The following MGST1 variants were observed in gnomAD, a reference collection of about 807,000 sequenced individuals.
MGST1 encodes the protein glutathione S-transferase 12.
In MGST1, 5 loss-of-function variants were observed where a neutral mutation model predicts 8.9. That is an observed-to-expected ratio of 0.56 (90% confidence interval 0.29 to 1.19). The LOEUF is 1.19. Ranked by LOEUF, MGST1 falls within the 50% of genes most tolerant of loss-of-function variation. MGST1 has a pLI of 0.08. For synonymous variants in MGST1, 54 were observed against 67.8 expected, an observed-to-expected ratio of 0.80 and a Z score of 1.00; for missense variants, 182 against 187.4, an observed-to-expected ratio of 0.97 and a Z score of 0.17.
In MGST1 at chr12:16,503,792, C is replaced by T. The variant is rs923032009; in HGVS notation, n.483-85736C>T. Among the ~76,000 whole-genome samples, 3 of 152,242 alleles carry T rather than the reference C, an allele frequency of 2.0e-5. No individual in the cohort carries two copies. The highest frequency in any genetic ancestry group is 6.8e-3 in the Middle Eastern group (2 of 294). On this transcript the variant is annotated intron_variant and non_coding_transcript_variant, in intron 4 of 4. Transcript: ENST00000538857. This position sits in a 1 kb window ranked among gnomAD's most constrained non-coding sequence, Gnocchi z 4.8. The stretch of plus-strand genomic sequence containing the variant: ...ACCCAACGACCTGGAAGTTACCACC[C>T]TTTTTCTAGATATTTCTGTGTAATT...
chr12:16,499,349 C>G (rs1197797881), intron 4 of MGST1, among the ~76,000 whole-genome samples: 3 of 152,072 alleles, frequency 2.0e-5, no homozygotes, highest in African/African-American at 7.3e-5. Context: ...TTCAGGCAGT[C>G]TCTCTCTTCC....
Position 16,531,156 on chromosome 12 carries a change from CAAAAAAAA to C in MGST1, n.483-58353_483-58346del, listed in dbSNP as rs5796677. Among the ~76,000 whole-genome samples, 9 of 46,546 alleles carry C rather than the reference CAAAAAAAA, an allele frequency of 1.9e-4. No homozygotes were observed. In the East Asian group the frequency reaches 2.1e-3, roughly 11 times the overall value. 30.5% of individuals were successfully genotyped at this position (46,546 alleles called of 152,430 possible). On this transcript the variant is annotated intron_variant and non_coding_transcript_variant, in intron 4 of 4. Transcript: ENST00000538857. ...GAATTGTCTTCACCTTACCCCTGAC[CAAAAAAAA>C]AAAAAAAAAAAAAAAAAAGTAATGA...
chr12:16,358,785 T>A (rs1421386050), intron 3 of MGST1, among the ~76,000 whole-genome samples: 3 of 128,594 alleles, frequency 2.3e-5, no homozygotes, highest in African/African-American at 3.4e-5. Flanking sequence ...ATTCCTTTTT[T>A]TTTTTTTTTT....
At chr12:16,483,438 C>T (rs991397243) in intron 4 of MGST1, among the ~76,000 whole-genome samples, 1 of 151,960 alleles carries the variant, frequency 6.6e-6, no homozygotes, top group African/African-American at 2.4e-5. Context: ...ATCAAACCCT[C>T]GTTTAATCCA....
intron 4 of MGST1, chr12:16,567,521 G>T (rs1156774211): frequency 6.6e-6 from 1 of 152,380 alleles, no homozygotes; most frequent in Non-Finnish European, 1.5e-5. Context: ...GAATGACATG[G>T]CATTTCACAA....
At chr12:16,553,039 A>G (rs1468998591) in intron 4 of MGST1, among the ~76,000 whole-genome samples, 3 of 152,140 alleles carry the variant, frequency 2.0e-5, no homozygotes, top group African/African-American at 4.8e-5. Context: ...TAGAAATGAA[A>G]TATCTAAAAT....
At chr12:16,487,778 C>G (rs979424431) in intron 4 of MGST1, among the ~76,000 whole-genome samples, 1 of 152,118 alleles carries the variant, frequency 6.6e-6, no homozygotes, top group Admixed American at 6.5e-5. Context: ...CTCCTGGTAA[C>G]TGGGACTACA....
rs1043672452 is a variant in MGST1, at chr12:16,576,182, C to T, written n.483-13346C>T. 2.0e-5 allele frequency among the ~76,000 whole-genome samples: 3 copies of T among 152,190 alleles called. No individual in the cohort carries two copies. The highest frequency in any genetic ancestry group is 4.4e-5 in the Non-Finnish European group (3 of 68,038). On this transcript the variant is annotated intron_variant and non_coding_transcript_variant, in intron 4 of 4. Transcript: ENST00000538857. This position sits in a 1 kb window ranked among gnomAD's most constrained non-coding sequence, Gnocchi z 4.1. ...CGCCTTCCACTCTGCAGCCGGTAGCCTTTCTATAACACAGCTCCAACCCAT... is the reference window on the plus strand; with the variant it reads ...CGCCTTCCACTCTGCAGCCGGTAGCTTTTCTATAACACAGCTCCAACCCAT...
intron 4 of MGST1, among the ~76,000 whole-genome samples, chr12:16,488,148 G>A (rs988182822): frequency 6.6e-6 from 1 of 152,194 alleles, no homozygotes; most frequent in African/African-American, 2.4e-5. Flanking sequence ...AGGAGAATGT[G>A]AAGTTGAATT....
At chr12:16,563,713 T>G (rs1030820197) in intron 4 of MGST1, among the ~76,000 whole-genome samples, 2 of 152,172 alleles carry the variant, frequency 1.3e-5, no homozygotes, top group African/African-American at 4.8e-5. Context: ...ATCCTCTAGA[T>G]AAGAGGGCCT....
intron 4 of MGST1, among the ~76,000 whole-genome samples, chr12:16,541,122 A>G (rs1013071950): frequency 4.6e-5 from 7 of 152,220 alleles, no homozygotes; most frequent in African/African-American, 1.7e-4. Context: ...TAAAATCACA[A>G]TACTTTCATT....
downstream of MGST1, among the ~76,000 whole-genome samples, chr12:16,591,928 G>A (rs1438871008): frequency 2.6e-5 from 4 of 151,832 alleles, no homozygotes; most frequent in Non-Finnish European, 5.9e-5. The surrounding 1 kb of genome is among the most constrained non-coding windows in gnomAD (Gnocchi z 4.1). Flanking sequence ...CTCTATATTG[G>A]TTCCATGGGA....
At chr12:16,562,257 G>C (rs1942433764) in intron 4 of MGST1, among the ~76,000 whole-genome samples, 1 of 152,006 alleles carries the variant, frequency 6.6e-6, no homozygotes, top group Non-Finnish European at 1.5e-5. Context: ...TAGGAGATCT[G>C]CTTAGGAGAT....
chr12:16,552,512 G>A (rs1942027749), intron 4 of MGST1, among the ~76,000 whole-genome samples: 1 of 152,058 alleles, frequency 6.6e-6, no homozygotes, highest in Admixed American at 6.5e-5. Context: ...TAGACAAACA[G>A]TGAACCTATT....
intron 1 of MGST1, among the ~76,000 whole-genome samples, chr12:16,399,087 T>C (rs1940630219): frequency 6.6e-6 from 1 of 152,144 alleles, no homozygotes; most frequent in South Asian, 2.1e-4. Flanking sequence ...AATGGGGCCA[T>C]TGGCACGTGT....
intron 1 of MGST1, among the ~76,000 whole-genome samples, chr12:16,414,916 C>G (rs967975156): frequency 2.0e-5 from 3 of 152,074 alleles, no homozygotes; most frequent in Admixed American, 6.5e-5. Flanking sequence ...CCCAGCTACT[C>G]GGGAGGCTGA....
intron 1 of MGST1, among the ~76,000 whole-genome samples, chr12:16,402,904 T>A (rs1204700511): frequency 6.7e-6 from 1 of 149,674 alleles, no homozygotes; most frequent in Non-Finnish European, 1.5e-5. Context: ...TTCTACTTTT[T>A]AATATATATT....
chr12:16,403,339 A>G (rs991247382), intron 1 of MGST1, among the ~76,000 whole-genome samples: 2 of 152,098 alleles, frequency 1.3e-5, no homozygotes, highest in African/African-American at 4.8e-5. Flanking sequence ...TTTCTGGCTT[A>G]AGAGCACTGA....
intron 1 of MGST1, among the ~76,000 whole-genome samples, chr12:16,423,372 T>C (rs2137085816): frequency 6.6e-6 from 1 of 152,324 alleles, no homozygotes; most frequent in African/African-American, 2.4e-5. Context: ...AGCAAGTATT[T>C]GATTTTAAAG....
Sources: allele counts gnomAD v4.1 joint callset (sites outside exome capture counted in the v4.1 genomes callset), GRCh38; gene constraint gnomAD v4.1.1; non-coding constraint Gnocchi (gnomAD v3.1); transcripts MANE v1.5; gene names NCBI Gene and HGNC (gene_info 2026-07-23, HGNC 2026-07-21).